Variants in ZNF708 observed in about 807,000 individuals in gnomAD.
ZNF708 encodes the protein zinc finger protein 708.
ZNF708 carries 44 observed loss-of-function variants against 47.0 expected under a neutral mutation model. The ratio of observed to expected loss-of-function variants is 0.94; its 90% confidence interval spans 0.74 to 1.20. The LOEUF (loss-of-function observed/expected upper bound fraction) is 1.20, where lower values mean the gene tolerates loss of function less well. Among genes scored for constraint, ZNF708 ranks in the 50% most tolerant of loss-of-function variants. The pLI is 0.00. For synonymous variants in ZNF708, 184 were observed against 218.5 expected (o/e 0.84, Z 1.39); for missense variants, 557 against 656.0 (o/e 0.85, Z 1.65).
At chr19:21,328,073 G>C (rs1481316079) in intron 1 of ZNF708, 1 of 971,818 alleles carries the variant, frequency 1.0e-6, no homozygotes, top group Non-Finnish European at 1.2e-6. Flanking sequence ...TGAAACCCAG[G>C]ACCAGGAAAA....
At chr19:21,324,296 A>G (rs925448587) in intron 1 of ZNF708, among the ~76,000 whole-genome samples, 1 of 152,060 alleles carries the variant, frequency 6.6e-6, no homozygotes, top group Non-Finnish European at 1.5e-5. Context: ...GGCTGGGCGC[A>G]GTGGCTTACG....
intron 3 of ZNF708, among the ~76,000 whole-genome samples, chr19:21,302,130 T>A (rs1386272941): frequency 6.6e-6 from 1 of 152,078 alleles, no homozygotes; most frequent in Non-Finnish European, 1.5e-5. Flanking sequence ...AGTCCATTTT[T>A]TTGAAAATTA....
intron 1 of ZNF708, among the ~76,000 whole-genome samples, chr19:21,322,598 C>G (rs1002065292): frequency 5.3e-5 from 8 of 152,144 alleles, no homozygotes; most frequent in African/African-American, 1.9e-4. Context: ...CCACGGCACC[C>G]GGCCAGAGCT....
intron 1 of ZNF708, among the ~76,000 whole-genome samples, chr19:21,316,636 C>T (rs1303704856): frequency 6.6e-6 from 1 of 152,172 alleles, no homozygotes; most frequent in Non-Finnish European, 1.5e-5. Flanking sequence ...CCCATGGTCT[C>T]TGAGTCAGCT....
rs917876403 is a variant in ZNF708, at chr19:21,293,989, T to G, written c.977A>C (p.His326Pro). 1.9e-6 allele frequency: 3 copies of G among 1,612,944 alleles called. No individual in the cohort carries two copies. Among genetic ancestry groups the G allele is most frequent in the Non-Finnish European group, 1.7e-6 (2 of 1,179,444 alleles). The change falls in exon 4 of 4, where the codon CAT becomes CCT. Residue 326 changes from histidine to proline, a missense_variant. Physicochemically the swap from His to Pro is moderately conservative, Grantham distance 77. Transcript: ENST00000356929. ...AFTLSSHLTT[H>P]KRIHTGEKPY... Reference sequence around the variant, plus strand: ...TTTCTCACCAGTATGAATCCTCTTATGTGTAGTAAGGTGTGAAGATAGGGT... The same window carrying G: ...TTTCTCACCAGTATGAATCCTCTTAGGTGTAGTAAGGTGTGAAGATAGGGT...
At chr19:21,307,452 C>T (rs554238650) in intron 3 of ZNF708, among the ~76,000 whole-genome samples, 19 of 151,984 alleles carry the variant, frequency 1.3e-4, no homozygotes, top group African/African-American at 3.4e-4. Context: ...GGTGAAACCC[C>T]GTCTACTAAA....
intron 1 of ZNF708, among the ~76,000 whole-genome samples, chr19:21,317,121 A>AG (rs898364340): frequency 2.0e-5 from 3 of 151,522 alleles, no homozygotes; most frequent in Admixed American, 2.0e-4. Context: ...CAAATACAAA[A>AG]AAAAAAAAAT....
chr19:21,304,964 A>G (rs1180142699), intron 3 of ZNF708, among the ~76,000 whole-genome samples: 3 of 152,224 alleles, frequency 2.0e-5, no homozygotes, highest in Non-Finnish European at 4.4e-5. Flanking sequence ...AAGCCAAAGT[A>G]AAACTGGGAA....
At chr19:21,312,371 G>A (rs1459288228) in intron 1 of ZNF708, among the ~76,000 whole-genome samples, 5 of 152,076 alleles carry the variant, frequency 3.3e-5, no homozygotes, top group Admixed American at 6.6e-5. Flanking sequence ...GCTGACTCAA[G>A]GAGAATCACT....
chr19:21,308,253 C>T (rs1275783720), intron 3 of ZNF708, among the ~76,000 whole-genome samples: 1 of 151,180 alleles, frequency 6.6e-6, no homozygotes, highest in Non-Finnish European at 1.5e-5. Context: ...AATACAATCC[C>T]TAAATTTACA....
intron 1 of ZNF708, among the ~76,000 whole-genome samples, chr19:21,316,126 CTT>C (rs1243985592): frequency 1.4e-5 from 1 of 70,024 alleles, no homozygotes; most frequent in Non-Finnish European, 2.7e-5. Context: ...CTTTTCTTTT[CTT>C]TTTTCTTTTT....
chr19:21,316,139 T>C (rs1973003768), intron 1 of ZNF708, among the ~76,000 whole-genome samples: 1 of 139,524 alleles, frequency 7.2e-6, no homozygotes, highest in African/African-American at 2.5e-5. Context: ...TTTTCTTTTT[T>C]TTTTTTTTTT....
intron 1 of ZNF708, among the ~76,000 whole-genome samples, chr19:21,314,368 T>C (rs1299254025): frequency 1.3e-5 from 2 of 151,352 alleles, no homozygotes; most frequent in Admixed American, 1.3e-4. Flanking sequence ...TTTTCTAGGG[T>C]AATATTATTA....
intron 3 of ZNF708, among the ~76,000 whole-genome samples, chr19:21,297,028 G>T (rs1237055732): frequency 6.6e-6 from 1 of 151,474 alleles, no homozygotes; most frequent in Non-Finnish European, 1.5e-5. Flanking sequence ...AGCTACTTGG[G>T]AGGCTGAGGC....
At chr19:21,329,180 C>T in intron 1 of ZNF708, 30 bp downstream of exon 1, 3 of 1,611,850 alleles carry the variant, frequency 1.9e-6, no homozygotes, top group Non-Finnish European at 2.5e-6. Context: ...AGCCCTTCCC[C>T]TCTCTCGGGA....
rs1568344350 is a variant in ZNF708, at chr19:21,294,687, A to T, written c.279T>A (p.Asn93Lys). The T allele has an allele frequency of 6.2e-7, 1 of 1,613,716 alleles. No homozygotes were observed. Among genetic ancestry groups the T allele is most frequent in the Non-Finnish European group, 8.5e-7 (1 of 1,179,830 alleles). ...TTCTCAGTATCACTTGTTGGAAAGAATTTTTTATATATTGCTCTGGCCTAA... is the reference window on the plus strand; with the variant it reads ...TTCTCAGTATCACTTGTTGGAAAGATTTTTTTATATATTGCTCTGGCCTAA... Reference protein sequence around the residue: ...KDLRPEQYIKNSFQQVILRRY... With the variant: ...KDLRPEQYIKKSFQQVILRRY... The change falls in exon 4 of 4, where the codon AAT (asparagine) becomes AAA (lysine). Residue 93 changes from asparagine to lysine, a missense_variant. Coordinates refer to ENST00000356929, the MANE Select transcript of ZNF708 (RefSeq NM_021269.3).
chr19:21,321,504 C>A (rs886165402), intron 1 of ZNF708, among the ~76,000 whole-genome samples: 1 of 151,518 alleles, frequency 6.6e-6, no homozygotes, highest in Non-Finnish European at 1.5e-5. Context: ...ATCGCTTGAA[C>A]CTGGGAGGCG....
At chr19:21,326,946 T>A (rs984245323) in intron 1 of ZNF708, among the ~76,000 whole-genome samples, 1 of 151,462 alleles carries the variant, frequency 6.6e-6, no homozygotes, top group African/African-American at 2.4e-5. Context: ...AATATAAATA[T>A]AAATACATAT....
At chr19:21,303,229 T>C (rs1389725781) in intron 3 of ZNF708, among the ~76,000 whole-genome samples, 1 of 152,108 alleles carries the variant, frequency 6.6e-6, no homozygotes, top group African/African-American at 2.4e-5. Context: ...ACCAGGCTGA[T>C]TGACAGAGTG....
Sources: gnomAD v4.1 joint callset for allele counts (sites outside exome capture counted in the v4.1 genomes callset) on GRCh38, gnomAD v4.1.1 for gene constraint, MANE v1.5 for transcripts, NCBI Gene and HGNC (gene_info 2026-07-23, HGNC 2026-07-21) for gene names.